ADAMTSL1: variants seen among roughly 807,000 people sequenced by gnomAD.
ADAMTSL1 encodes the protein ADAMTS-like protein 1.
ADAMTSL1 carries 126 observed loss-of-function variants against 201.8 expected under a neutral mutation model. The ratio of observed to expected loss-of-function variants is 0.62; its 90% CI spans 0.54 to 0.72. The LOEUF is 0.72. Among genes scored for constraint, ADAMTSL1 ranks in the 30% least tolerant of loss-of-function variants. The pLI is 0.00. For missense variants in ADAMTSL1, 2,679 were observed against 2,277.8 expected (o/e 1.18, Z -3.59); for synonymous variants, 1,121 against 903.4 (o/e 1.24, Z -4.32).
chr9:18,238,325 CAGTG>C (rs368532782), intron 2 of ADAMTSL1, among the ~76,000 whole-genome samples: 9 of 152,252 alleles, frequency 5.9e-5, no homozygotes, highest in African/African-American at 9.6e-5. Context: ...CCATTGTTTG[CAGTG>C]AGTAAGTGAC....
intron 21 of ADAMTSL1, among the ~76,000 whole-genome samples, chr9:18,822,741 A>G (rs1372899660): frequency 6.6e-6 from 1 of 152,224 alleles, no homozygotes; most frequent in Non-Finnish European, 1.5e-5. Context: ...ATTGTTAAAA[A>G]TAAGTGATTG....
intron 5 of ADAMTSL1, among the ~76,000 whole-genome samples, chr9:18,628,279 T>C (rs1412096635): frequency 1.3e-5 from 2 of 152,310 alleles, no homozygotes; most frequent in African/African-American, 4.8e-5. Flanking sequence ...GTAAGTTTGA[T>C]AGGTAGCTTG....
chr9:18,794,946 T>C (rs1286902594), intron 19 of ADAMTSL1, among the ~76,000 whole-genome samples: 1 of 152,238 alleles, frequency 6.6e-6, no homozygotes, highest in Non-Finnish European at 1.5e-5. Flanking sequence ...CTGGCCAAGA[T>C]GTCTGTCTTG....
At chr9:18,673,832 T>G (rs1293799589) in intron 9 of ADAMTSL1, among the ~76,000 whole-genome samples, 3 of 152,204 alleles carry the variant, frequency 2.0e-5, no homozygotes, top group Admixed American at 6.5e-5. Flanking sequence ...CAACTTGATT[T>G]ATTCCTTAAT....
intron 3 of ADAMTSL1, among the ~76,000 whole-genome samples, chr9:18,551,715 GGTC>G (rs1291933009): frequency 6.6e-6 from 1 of 151,680 alleles, no homozygotes; most frequent in Non-Finnish European, 1.5e-5. Context: ...AGGCACATAG[GGTC>G]GTCGTGAGGA....
chr9:18,018,927 G>A (rs966948127), intron 1 of ADAMTSL1, among the ~76,000 whole-genome samples: 1 of 152,036 alleles, frequency 6.6e-6, no homozygotes, highest in Non-Finnish European at 1.5e-5. Flanking sequence ...AGTGGCTTTG[G>A]AACCAGGTAG....
intron 15 of ADAMTSL1, among the ~76,000 whole-genome samples, chr9:18,749,267 C>G (rs1486104094): frequency 6.6e-6 from 1 of 152,138 alleles, no homozygotes; most frequent in Non-Finnish European, 1.5e-5. Context: ...TTTCATCAAG[C>G]TAGCAGTCGA....
chr9:18,712,106 T>A (rs1225472978), intron 14 of ADAMTSL1, among the ~76,000 whole-genome samples: 1 of 151,082 alleles, frequency 6.6e-6, no homozygotes, highest in African/African-American at 2.4e-5. Flanking sequence ...TACATCACCA[T>A]CATCAAAGAC....
At position 18,256,056 on chromosome 9, in the gene ADAMTSL1, C is replaced by T. The variant is rs1341966086; in HGVS notation, c.207+92075C>T. Among the ~76,000 whole-genome samples the T allele has an allele frequency of 2.6e-5, 4 of 152,084 alleles. No homozygotes were observed. The East Asian group carries it at 5.8e-4, about 22-fold the overall frequency. ...TCCTATTTGAAGATGCTCTTCCAACCGAAAAGCATAATTTCTCTCACTCTT... is the reference window on the plus strand; with the variant it reads ...TCCTATTTGAAGATGCTCTTCCAACTGAAAAGCATAATTTCTCTCACTCTT... On this transcript the variant is annotated intron_variant, in intron 2 of 29. Transcript: ENST00000680146.
intron 2 of ADAMTSL1, among the ~76,000 whole-genome samples, chr9:18,469,055 TCTA>T (rs1821110126): frequency 6.6e-6 from 1 of 152,248 alleles, no homozygotes; most frequent in African/African-American, 2.4e-5. Context: ...CTTACCTTTC[TCTA>T]CTTTCTCTCT....
intron 1 of ADAMTSL1, among the ~76,000 whole-genome samples, chr9:17,964,876 T>C (rs1817917962): frequency 6.6e-6 from 1 of 152,146 alleles, no homozygotes; most frequent in Non-Finnish European, 1.5e-5. Flanking sequence ...TCTTTTCTTT[T>C]CTTTTCTTTT....
intron 1 of ADAMTSL1, among the ~76,000 whole-genome samples, chr9:17,984,304 G>T (rs1003114626): frequency 1.3e-5 from 2 of 151,930 alleles, no homozygotes; most frequent in Non-Finnish European, 2.9e-5. Context: ...TAGCAGTTTT[G>T]TGTATCCTTC....
At chr9:18,199,051 T>C (rs1435045362) in intron 2 of ADAMTSL1, among the ~76,000 whole-genome samples, 6 of 145,134 alleles carry the variant, frequency 4.1e-5, no homozygotes, top group Admixed American at 7.0e-5. Context: ...TAGGTGGGAA[T>C]TGAACAATGA....
chr9:18,322,766 T>G (rs1834677625), intron 2 of ADAMTSL1, among the ~76,000 whole-genome samples: 1 of 152,094 alleles, frequency 6.6e-6, no homozygotes. Flanking sequence ...CCATAGATAG[T>G]AAAATGATAA....
intron 2 of ADAMTSL1, among the ~76,000 whole-genome samples, chr9:18,317,275 A>T (rs1834439743): frequency 6.6e-6 from 1 of 151,956 alleles, no homozygotes; most frequent in African/African-American, 2.4e-5. Flanking sequence ...AAAGGCTACA[A>T]CTCTCCGTTA....
chr9:18,281,412 C>T (rs1314834812), intron 2 of ADAMTSL1, among the ~76,000 whole-genome samples: 1 of 152,122 alleles, frequency 6.6e-6, no homozygotes, highest in African/African-American at 2.4e-5. Flanking sequence ...GAAGCAACAA[C>T]CTGGGCTCCA....
At chr9:17,920,103 T>C (rs1477548231) in intron 1 of ADAMTSL1, among the ~76,000 whole-genome samples, 3 of 152,202 alleles carry the variant, frequency 2.0e-5, no homozygotes, top group Non-Finnish European at 4.4e-5. Flanking sequence ...TTTTTACTTA[T>C]GTTTTATTAG....
chr9:18,019,505 T>A (rs761380618), intron 1 of ADAMTSL1, among the ~76,000 whole-genome samples: 1 of 151,838 alleles, frequency 6.6e-6, no homozygotes, highest in Non-Finnish European at 1.5e-5. Flanking sequence ...CACAGAAAGG[T>A]GTTTAAAAGA....
intron 1 of ADAMTSL1, among the ~76,000 whole-genome samples, chr9:18,154,292 T>G (rs961139333): frequency 6.6e-6 from 1 of 152,070 alleles, no homozygotes; most frequent in African/African-American, 2.4e-5. Flanking sequence ...CCATAATTTA[T>G]GGGTTGACCG....
Sources: gnomAD v4.1 joint callset for allele counts (sites outside exome capture counted in the v4.1 genomes callset) on GRCh38, gnomAD v4.1.1 for gene constraint, MANE v1.5 for transcripts, NCBI Gene and HGNC (gene_info 2026-07-23, HGNC 2026-07-21) for gene names.